Variants in POU2AF2 observed in about 807,000 individuals in gnomAD.
The protein encoded by POU2AF2 is POU domain class 2-associating factor 2.
the POU2AF2 span, among the ~76,000 whole-genome samples, chr11:111,259,826 C>G: frequency 6.6e-6 from 1 of 152,204 alleles, no homozygotes; most frequent in Non-Finnish European, 1.5e-5. Context: ...CTGTCCCCAT[C>G]ATATTACCCA....
chr11:111,253,255 AT>A, the POU2AF2 span, among the ~76,000 whole-genome samples: 1 of 152,288 alleles, frequency 6.6e-6, no homozygotes, highest in Non-Finnish European at 1.5e-5. Flanking sequence ...AATCAGTGTT[AT>A]AGGCATTCCA....
the POU2AF2 span, among the ~76,000 whole-genome samples, chr11:111,269,791 T>G: frequency 4.6e-5 from 7 of 152,180 alleles, no homozygotes; most frequent in Admixed American, 1.3e-4. Flanking sequence ...GAAATCACTT[T>G]CTCACAGAGA....
the POU2AF2 span, among the ~76,000 whole-genome samples, chr11:111,276,998 C>A: frequency 1.3e-5 from 2 of 152,098 alleles, no homozygotes; most frequent in Non-Finnish European, 2.9e-5. Context: ...ATTAGTAAAT[C>A]TAATACAGAA....
At chr11:111,271,616 G>A in the POU2AF2 span, among the ~76,000 whole-genome samples, 4 of 151,960 alleles carry the variant, frequency 2.6e-5, no homozygotes, top group Non-Finnish European at 5.9e-5. Context: ...GGAGATGGGG[G>A]TCTCACTGTC....
At chr11:111,270,706 G>A in the POU2AF2 span, among the ~76,000 whole-genome samples, 3 of 152,150 alleles carry the variant, frequency 2.0e-5, no homozygotes, top group African/African-American at 7.2e-5. Context: ...TCAGCAGTAA[G>A]GTTGGTGATA....
the POU2AF2 span, among the ~76,000 whole-genome samples, chr11:111,261,185 T>C: frequency 4.0e-3 from 604 of 152,266 alleles, 3 homozygotes; most frequent in African/African-American, 0.014. Context: ...AATTTTTCTG[T>C]TATTCTTTAC....
chr11:111,270,272 A>C, the POU2AF2 span, among the ~76,000 whole-genome samples: 1 of 152,344 alleles, frequency 6.6e-6, no homozygotes, highest in East Asian at 1.9e-4. Flanking sequence ...GCACTATTAC[A>C]AAAAATGCAT....
chr11:111,273,204 A>C, the POU2AF2 span, among the ~76,000 whole-genome samples: 1 of 152,214 alleles, frequency 6.6e-6, no homozygotes, highest in African/African-American at 2.4e-5. Flanking sequence ...CTGTTAACTA[A>C]GGCATGTAAA....
chr11:111,252,274 A>G, the POU2AF2 span, among the ~76,000 whole-genome samples: 1 of 152,034 alleles, frequency 6.6e-6, no homozygotes, highest in African/African-American at 2.4e-5. Context: ...TAAAGGCCTT[A>G]CTCATATGTA....
the POU2AF2 span, among the ~76,000 whole-genome samples, chr11:111,266,790 A>G: frequency 6.6e-6 from 1 of 152,164 alleles, no homozygotes; most frequent in Admixed American, 6.5e-5. Context: ...TGTTTTTGAG[A>G]TCAGAAAAAT....
the POU2AF2 span, chr11:111,285,615 C>A: frequency 1.0e-5 from 16 of 1,585,538 alleles, no homozygotes; most frequent in East Asian, 3.7e-4. Context: ...AGAGTGTCAC[C>A]TAGTGAATAA....
chr11:111,284,885 A>C, the POU2AF2 span, among the ~76,000 whole-genome samples: 1 of 152,176 alleles, frequency 6.6e-6, no homozygotes, highest in African/African-American at 2.4e-5. Context: ...CAAACAGGTG[A>C]GTTCATAAAG....
the POU2AF2 span, chr11:111,283,989 G>T: frequency 3.9e-3 from 4,902 of 1,253,156 alleles, 123 homozygotes; most frequent in African/African-American, 0.059. Flanking sequence ...TAGTAACATC[G>T]TTTCCCAGGC....
the POU2AF2 span, chr11:111,285,898 C>T: frequency 6.2e-7 from 1 of 1,613,544 alleles, no homozygotes; most frequent in African/African-American, 1.3e-5. Context: ...ACCCCTTCAC[C>T]CCTTTCATGA....
chr11:111,251,468 C>A, the POU2AF2 span, among the ~76,000 whole-genome samples: 423 of 152,256 alleles, frequency 2.8e-3, 7 homozygotes, highest in African/African-American at 9.6e-3. Flanking sequence ...AGACTGAAGT[C>A]CACGTCTGGG....
chr11:111,268,565 G>A, the POU2AF2 span, among the ~76,000 whole-genome samples: 45,844 of 131,318 alleles, frequency 0.35, 9,477 homozygotes, highest in Admixed American at 0.46. Flanking sequence ...ATGGAGTCTC[G>A]CTCTGTTGCC....
chr11:111,265,065 A>T, the POU2AF2 span, among the ~76,000 whole-genome samples: 1 of 152,066 alleles, frequency 6.6e-6, no homozygotes, highest in Non-Finnish European at 1.5e-5. Context: ...CCAGGTGAGC[A>T]GTGAGCAGGA....
chr11:111,280,051 A>T, the POU2AF2 span, among the ~76,000 whole-genome samples: 3 of 63,950 alleles, frequency 4.7e-5, no homozygotes, highest in South Asian at 1.4e-3. Flanking sequence ...AAAAAAAAAA[A>T]AAAAAAATAT....
the POU2AF2 span, among the ~76,000 whole-genome samples, chr11:111,264,803 G>A: frequency 7.1e-6 from 1 of 140,872 alleles, no homozygotes; most frequent in African/African-American, 2.7e-5. Flanking sequence ...GGAGGGAAGG[G>A]AAAGAGACAA....
Sources: allele counts gnomAD v4.1 joint callset (sites outside exome capture counted in the v4.1 genomes callset), GRCh38; gene constraint gnomAD v4.1.1; transcripts MANE v1.5; gene names NCBI Gene and HGNC (gene_info 2026-07-23, HGNC 2026-07-21).